Variants in ANKMY1 observed in about 807,000 individuals in gnomAD.
ANKMY1 encodes ankyrin repeat and MYND domain-containing protein 1.
ANKMY1 carries 98 observed loss-of-function variants against 102.0 expected under a neutral mutation model. The observed-to-expected ratio is 0.96, with a 90% CI of 0.82 to 1.14. The LOEUF (loss-of-function observed/expected upper bound fraction) is 1.14. Ranked by LOEUF, ANKMY1 falls within the 50% of genes most tolerant of loss-of-function variation. The pLI is 0.00. For synonymous variants in ANKMY1, 582 were observed against 559.9 expected (o/e 1.04, Z -0.56); for missense variants, 1,330 against 1,347.6 (o/e 0.99, Z 0.20).
chr2:240,485,435 A>C (rs1188126244), intron 15 of ANKMY1, among the ~76,000 whole-genome samples: 1 of 152,226 alleles, frequency 6.6e-6, no homozygotes. Flanking sequence ...AAATTAGTTC[A>C]ACCATTGTGG....
chr2:240,535,026 A>G (rs759869723), intron 4 of ANKMY1, among the ~76,000 whole-genome samples: 5 of 152,200 alleles, frequency 3.3e-5, no homozygotes, highest in Non-Finnish European at 5.9e-5. Context: ...TGAGCCTGGG[A>G]GGTCAAGGCT....
intron 11 of ANKMY1, among the ~76,000 whole-genome samples, 153 bp from the exon 12 acceptor site, chr2:240,509,608 T>C (rs930725064): frequency 2.0e-5 from 3 of 152,064 alleles, no homozygotes; most frequent in African/African-American, 7.2e-5. Context: ...GTGTTCAAAA[T>C]TGTGGATGCA....
downstream of ANKMY1, among the ~76,000 whole-genome samples, chr2:240,475,408 T>G (rs2074787936): frequency 6.6e-6 from 1 of 151,934 alleles, no homozygotes; most frequent in Admixed American, 6.6e-5. Flanking sequence ...CCATTTACAA[T>G]AGCATAAAAA....
At chr2:240,476,533 G>A (rs190327826), downstream of ANKMY1, among the ~76,000 whole-genome samples, 13,687 of 152,214 alleles carry the variant, frequency 0.09, 667 homozygotes, top group Non-Finnish European at 0.11. Flanking sequence ...TCACAGGGCC[G>A]GTGAAGAGGA....
intron 4 of ANKMY1, among the ~76,000 whole-genome samples, chr2:240,533,737 AC>A (rs2086029512): frequency 1.3e-5 from 2 of 151,956 alleles, no homozygotes; most frequent in Non-Finnish European, 2.9e-5. Flanking sequence ...ACACACACAC[AC>A]ACACACACAC....
intron 15 of ANKMY1, among the ~76,000 whole-genome samples, chr2:240,491,936 G>A (rs974250946): frequency 6.6e-6 from 1 of 151,798 alleles, no homozygotes; most frequent in Non-Finnish European, 1.5e-5. Context: ...TCCTTTATCT[G>A]ACTGTCTATA....
intron 16 of ANKMY1, among the ~76,000 whole-genome samples, chr2:240,481,509 G>A (rs1405885620): frequency 6.6e-6 from 1 of 152,154 alleles, no homozygotes; most frequent in African/African-American, 2.4e-5. Flanking sequence ...GCTGCCTTTG[G>A]GGTGAAACTC....
At chr2:240,560,830 T>A (rs1466629159), upstream of ANKMY1, 28 of 1,417,046 alleles carry the variant, frequency 2.0e-5, no homozygotes, top group Middle Eastern at 2.5e-4. Context: ...ACGCTGTGCG[T>A]CAACGTCTCC....
intron 15 of ANKMY1, among the ~76,000 whole-genome samples, chr2:240,497,946 G>C (rs937795006): frequency 6.6e-6 from 1 of 152,206 alleles, no homozygotes; most frequent in African/African-American, 2.4e-5. Flanking sequence ...GCCTCTCCCT[G>C]CCTGGTCCTC....
chr2:240,524,404 G>A (rs1386375749), intron 7 of ANKMY1, 23 bp from the exon 8 acceptor site: 2 of 1,576,820 alleles, frequency 1.3e-6, no homozygotes, highest in East Asian at 4.5e-5. Context: ...CCAAAAAAGT[G>A]TCATTAGAAT....
chr2:240,523,172 GATTTAATGCA>G (rs2152346854), intron 8 of ANKMY1: 1 of 152,414 alleles, frequency 6.6e-6, no homozygotes, highest in South Asian at 2.1e-4. Context: ...CAAGGAGCAA[GATTTAATGCA>G]ATTTGTCATT....
Position 240,524,013 on chromosome 2 carries a change from G to C in ANKMY1, c.1704C>G (p.Ile568Met). The change falls in exon 8 of 18, where the codon ATC becomes ATG. Residue 568 changes from isoleucine to methionine, a missense_variant. By Grantham distance (10) the Ile-to-Met change is conservative. Transcript: ENST00000401804. ...ESNVCVCDFS[I>M]ELSQAMLERS... Reference sequence around the variant, plus strand: ...TCTCCAGCATGGCCTGCGAGAGCTCGATGGAGAAGTCGCACACACACACGT... The same window carrying C: ...TCTCCAGCATGGCCTGCGAGAGCTCCATGGAGAAGTCGCACACACACACGT... 1 of 1,613,934 alleles carries C rather than the reference G, an allele frequency of 6.2e-7. No individual in the cohort carries two copies. The highest frequency in any genetic ancestry group is 8.5e-7 in the Non-Finnish European group (1 of 1,180,030).
At chr2:240,480,116 G>C (rs1014582873) in intron 17 of ANKMY1, among the ~76,000 whole-genome samples, 2 of 152,120 alleles carry the variant, frequency 1.3e-5, no homozygotes, top group East Asian at 3.9e-4. Flanking sequence ...CACTGGAACC[G>C]GGGAGGCGGA....
rs923356441 is a variant in ANKMY1 at position 240,539,168 on chromosome 2, T to A, written c.481-9659A>T. On this transcript the variant is annotated intron_variant, in intron 4 of 17. Coordinates refer to ENST00000401804, the MANE Select transcript of ANKMY1 (RefSeq NM_001282771.3). The stretch of plus-strand genomic sequence containing the variant: ...TTGTTCTTTCGCTCTTTGCAATACA[T>A]CTTTCTGCTGCTCACTCTTTGGGTC... Among the ~76,000 whole-genome samples, 4 of 152,300 alleles carry A rather than the reference T, an allele frequency of 2.6e-5. 1 individual carries two copies. Among genetic ancestry groups the A allele is most frequent in the African/African-American group, 7.2e-5 (3 of 41,558 alleles).
At position 240,534,325 on chromosome 2, in the gene ANKMY1, A is replaced by T. The variant is rs1463572410; in HGVS notation, c.481-4816T>A. On this transcript the variant is annotated intron_variant, in intron 4 of 17. Coordinates refer to ENST00000401804, the MANE Select transcript of ANKMY1 (RefSeq NM_001282771.3). ...ACTTTGGGTCATAAAGCATGACAAG[A>T]GATTTTTTTAGTGGCTCATGCCTGC... 3.9e-5 allele frequency among the ~76,000 whole-genome samples: 6 copies of T among 152,216 alleles called. No individual in the cohort carries two copies. In the East Asian group the frequency reaches 1.2e-3, roughly 29 times the overall value.
Position 240,511,919 on chromosome 2 carries a change from G to C in ANKMY1, c.2228C>G (p.Pro743Arg). ...QAYYSTDTAL[P>R]EEGGRTALHM... ...CAGAGCCGTCCTGCCCCCCTCCTCCGGGAGGGCTGTGTCCGTGCTGTAGTA... is the reference window on the plus strand; with the variant it reads ...CAGAGCCGTCCTGCCCCCCTCCTCCCGGAGGGCTGTGTCCGTGCTGTAGTA... Residue 743 changes from proline (P) to arginine (R), a missense_variant, in exon 11 of 18, where the codon CCG (proline) becomes CGG (arginine). By Grantham distance (103) the Pro-to-Arg change is moderately radical. Transcript: ENST00000401804. 1 of 1,580,438 alleles carries C rather than the reference G, an allele frequency of 6.3e-7. No homozygotes were observed. The highest frequency in any genetic ancestry group is 8.5e-7 in the Non-Finnish European group (1 of 1,169,668).
At chr2:240,488,461 TG>T (rs2076296537) in intron 15 of ANKMY1, among the ~76,000 whole-genome samples, 1 of 152,236 alleles carries the variant, frequency 6.6e-6, no homozygotes, top group Non-Finnish European at 1.5e-5. Context: ...GGGATTTTTT[TG>T]GTTCTATATG....
chr2:240,491,878 A>G (rs2076694083), intron 15 of ANKMY1, among the ~76,000 whole-genome samples: 1 of 152,176 alleles, frequency 6.6e-6, no homozygotes, highest in Non-Finnish European at 1.5e-5. Context: ...ATAATGTGCC[A>G]TGCAGAAGAT....
chr2:240,484,214 T>C (rs1004478081), intron 15 of ANKMY1, among the ~76,000 whole-genome samples: 4 of 152,210 alleles, frequency 2.6e-5, no homozygotes, highest in Non-Finnish European at 5.9e-5. Context: ...ATGGGATTGC[T>C]GGGTCAAAAG....
Sources: allele counts gnomAD v4.1 joint callset (sites outside exome capture counted in the v4.1 genomes callset), GRCh38; gene constraint gnomAD v4.1.1; transcripts MANE v1.5; gene names NCBI Gene and HGNC (gene_info 2026-07-23, HGNC 2026-07-21).